Variants in CAPN15 observed in about 807,000 individuals in gnomAD.
The protein encoded by CAPN15 is calpain 15.
Under a neutral mutation model 97.9 loss-of-function variants are expected in CAPN15, and 53 were observed. The observed-to-expected ratio is 0.54, with a 90% CI of 0.43 to 0.68. The LOEUF is 0.68. Ranked by LOEUF, CAPN15 falls within the 30% of genes least tolerant of loss-of-function variation. CAPN15 has a pLI of 0.00. For synonymous variants in CAPN15, 922 were observed against 722.5 expected, an observed-to-expected ratio of 1.28 and a Z score of -4.43; for missense variants, 1,592 against 1,589.8, an observed-to-expected ratio of 1.00 and a Z score of -0.02.
In CAPN15 at chr16:547,033, G is replaced by A; in HGVS notation, c.195G>A (p.Glu65=). The A allele has an allele frequency of 6.2e-7, 1 of 1,609,294 alleles. No homozygotes were observed. Among genetic ancestry groups the A allele is most frequent in the South Asian group, 1.1e-5 (1 of 90,940 alleles). The change falls in exon 4 of 14, where the codon GAG becomes GAA. Residue 65 remains glutamate (E), a synonymous_variant. Transcript: ENST00000219611. ...ACTTCCTGGGCAAGGAGGCCTGCGAGGTGTGCGGCTTCACCCCGGAGCCTG... is the reference window on the plus strand; with the variant it reads ...ACTTCCTGGGCAAGGAGGCCTGCGAAGTGTGCGGCTTCACCCCGGAGCCTG... ...FRNFLGKEAC[E]VCGFTPEPAP...
At chr16:549,869 C>T (rs757091128) in intron 7 of CAPN15, 31 bp downstream of exon 7, 10 of 1,505,742 alleles carry the variant, frequency 6.6e-6, no homozygotes, top group South Asian at 6.0e-5. Context: ...TGGTCAGCCG[C>T]GTTGGGAGGA....
In CAPN15 at chr16:552,424, G is replaced by C; in HGVS notation, c.2631G>C (p.Lys877Asn). 2 of 1,610,032 alleles carry C rather than the reference G, an allele frequency of 1.2e-6. No individual in the cohort carries two copies. The highest frequency in any genetic ancestry group is 1.7e-6 in the Non-Finnish European group (2 of 1,179,638). ...TGGCCCACAGTAAGCGCGCGGTCAAGAAGTTCGTCAGCTGCGACGTCATGC... is the reference window on the plus strand; with the variant it reads ...TGGCCCACAGTAAGCGCGCGGTCAACAAGTTCGTCAGCTGCGACGTCATGC... ...RLLAHSKRAV[K>N]KFVSCDVMLE... Residue 877 changes from lysine to asparagine, a missense_variant, in exon 11 of 14, where the codon AAG becomes AAC. Transcript: ENST00000219611. This position sits in a 1 kb window ranked among gnomAD's most constrained non-coding sequence, Gnocchi z 6.4.
Position 549,384 on chromosome 16 carries a change from G to A in CAPN15, c.1755G>A (p.Val585=). The A allele has an allele frequency of 6.3e-7, 1 of 1,599,222 alleles. No homozygotes were observed. Among genetic ancestry groups the A allele is most frequent in the Non-Finnish European group, 8.5e-7 (1 of 1,178,784 alleles). Residue 585 remains valine, a synonymous_variant, in exon 6 of 14, where the codon GTG becomes GTA. Coordinates refer to ENST00000219611, the MANE Select transcript of CAPN15 (RefSeq NM_005632.3). The part of the protein sequence containing the change: ...RSLCAEGAYQ[V]RLCKDGTWTT... ...TGTGTGCAGAGGGCGCCTACCAGGT[G>A]CGGCTGTGCAAGGACGGCACGTGGA...
intron 2 of CAPN15, among the ~76,000 whole-genome samples, 186 bp downstream of exon 2, chr16:534,184 G>A (rs896587852): frequency 5.3e-5 from 8 of 151,770 alleles, no homozygotes; most frequent in Admixed American, 5.2e-4. Flanking sequence ...CGTTTGGGCC[G>A]TGGTCCTGTC....
rs766622384 is a variant in CAPN15, at chr16:549,712, G to C, written c.1940G>C (p.Gly647Ala). Residue 647 changes from glycine to alanine, a missense_variant, in exon 7 of 14, where the codon GGC becomes GCC. By Grantham distance (60) the Gly-to-Ala change is moderately conservative. Transcript: ENST00000219611. The stretch of plus-strand genomic sequence containing the variant: ...CTCCAGGCGGGCCGCGCCATCGAAG[G>C]CCTGGCCACGCTCACCGGCGCCCCC... ...FALQAGRAIE[G>A]LATLTGAPCE... 1.2e-5 allele frequency: 19 copies of C among 1,571,188 alleles called. No individual in the cohort carries two copies. The highest frequency in any genetic ancestry group is 5.4e-5 in the Admixed American group (3 of 55,428).
At chr16:529,355 C>G (rs1176845601) in intron 1 of CAPN15, among the ~76,000 whole-genome samples, 1 of 152,106 alleles carries the variant, frequency 6.6e-6, no homozygotes, top group African/African-American at 2.4e-5. Context: ...TCAAGCCCTG[C>G]TGGCTCTCTC....
At chr16:546,295 C>T (rs1327649095) in intron 3 of CAPN15, among the ~76,000 whole-genome samples, 1 of 152,206 alleles carries the variant, frequency 6.6e-6, no homozygotes, top group Non-Finnish European at 1.5e-5. Flanking sequence ...GCCATATTTA[C>T]AAGAACAATT....
chr16:552,950 C>T lies in CAPN15; in HGVS notation c.2992C>T (p.Leu998=), dbSNP rs772005667. 2 of 1,612,030 alleles carry T rather than the reference C, an allele frequency of 1.2e-6. No homozygotes were observed. Among genetic ancestry groups the T allele is most frequent in the East Asian group, 2.2e-5 (1 of 44,848 alleles). The change falls in exon 13 of 14, where the codon CTG becomes TTG. Residue 998 remains leucine, a synonymous_variant. Coordinates refer to ENST00000219611, the MANE Select transcript of CAPN15 (RefSeq NM_005632.3). The surrounding 1 kb of genome is among the most constrained non-coding windows in gnomAD (Gnocchi z 6.4). ...GGAGAACCGACACCCCAAGGCCTAC[C>T]TGCACGTGCAGTGTGACTGCACCGA... The part of the protein sequence containing the change: ...VVENRHPKAY[L]HVQCDCTDSF...
At position 552,427 on chromosome 16, in the gene CAPN15, G is replaced by C. The variant is rs778087491; in HGVS notation, c.2634G>C (p.Lys878Asn). 6.8e-6 allele frequency: 11 copies of C among 1,610,100 alleles called. No homozygotes were observed. In the South Asian group the frequency reaches 1.2e-4, roughly 18 times the overall value. Reference sequence around the variant, plus strand: ...CCCACAGTAAGCGCGCGGTCAAGAAGTTCGTCAGCTGCGACGTCATGCTGG... The same window carrying C: ...CCCACAGTAAGCGCGCGGTCAAGAACTTCGTCAGCTGCGACGTCATGCTGG... ...LLAHSKRAVK[K>N]FVSCDVMLEP... The change falls in exon 11 of 14, where the codon AAG (lysine) becomes AAC (asparagine). Residue 878 changes from lysine to asparagine, a missense_variant. Lys to Asn is a moderately conservative substitution (Grantham distance 94). Around this residue, in one of 3 missense-constraint regions of CAPN15, gnomAD observed 644 missense variants for 699.6 expected, o/e 0.92. Coordinates refer to ENST00000219611, the MANE Select transcript of CAPN15 (RefSeq NM_005632.3). The surrounding 1 kb of genome is among the most constrained non-coding windows in gnomAD (Gnocchi z 6.4).
At chr16:537,556 C>G in intron 3 of CAPN15, 2 of 543,724 alleles carry the variant, frequency 3.7e-6, no homozygotes, top group South Asian at 1.6e-4. Context: ...CCAGTGCAAG[C>G]AGCTTCTGTC....
chr16:550,744 GTCC>G (rs2034950924), intron 7 of CAPN15, among the ~76,000 whole-genome samples: 4 of 142,304 alleles, frequency 2.8e-5, no homozygotes, highest in African/African-American at 7.9e-5. Flanking sequence ...GTCGGTGAGG[GTCC>G]CGGTCGGTGA....
At chr16:542,178 C>T (rs1032589245) in intron 3 of CAPN15, among the ~76,000 whole-genome samples, 38 of 152,352 alleles carry the variant, frequency 2.5e-4, no homozygotes, top group Middle Eastern at 3.4e-3. Flanking sequence ...CGGGATGAAC[C>T]GCATTTTATC....
rs1180025017 is a variant in CAPN15, at chr16:549,129, A to G, written c.1586A>G (p.His529Arg). 1.2e-6 allele frequency: 2 copies of G among 1,611,834 alleles called. No individual in the cohort carries two copies. The highest frequency in any genetic ancestry group is 1.7e-6 in the Non-Finnish European group (2 of 1,179,814). Residue 529 changes from histidine to arginine, a missense_variant, in exon 5 of 14, where the codon CAC becomes CGC. His to Arg is a conservative substitution (Grantham distance 29). Around this residue, in one of 3 missense-constraint regions of CAPN15, gnomAD observed 883 missense variants for 776.6 expected, o/e 1.14. Transcript: ENST00000219611. ...QEINCSVFRDHRATWSVFHTL... is the reference protein window; with the variant it reads ...QEINCSVFRDRRATWSVFHTL... ...ATCAACTGCTCCGTCTTCAGGGACCACAGGGCCACGTGGTCTGTGTTCCAC... is the reference window on the plus strand; with the variant it reads ...ATCAACTGCTCCGTCTTCAGGGACCGCAGGGCCACGTGGTCTGTGTTCCAC...
At chr16:541,146 G>A (rs1385540574) in intron 3 of CAPN15, among the ~76,000 whole-genome samples, 8 of 152,246 alleles carry the variant, frequency 5.3e-5, no homozygotes, top group Admixed American at 4.6e-4. Flanking sequence ...CTGTCTGTTG[G>A]CCCCCAGGTG....
intron 1 of CAPN15, among the ~76,000 whole-genome samples, chr16:532,301 C>G (rs1039083435): frequency 6.6e-6 from 1 of 150,956 alleles, no homozygotes; most frequent in African/African-American, 2.4e-5. Flanking sequence ...TGCGTGTAAT[C>G]CTAGCACTTT....
chr16:545,978 C>T (rs1441665684), intron 3 of CAPN15, among the ~76,000 whole-genome samples: 4 of 152,230 alleles, frequency 2.6e-5, no homozygotes, highest in East Asian at 1.9e-4. Flanking sequence ...TGGCTGTCTA[C>T]GGGCAGATTG....
At chr16:550,122 C>G (rs1412807846) in intron 7 of CAPN15, among the ~76,000 whole-genome samples, 2 of 131,832 alleles carry the variant, frequency 1.5e-5, no homozygotes, top group Non-Finnish European at 2.9e-5. Context: ...CGAGTTTGAC[C>G]TGGGCCGTGG....
chr16:552,299 A>G lies in CAPN15; in HGVS notation c.2508-2A>G. 1 of 1,551,234 alleles carries G rather than the reference A, an allele frequency of 6.4e-7. No homozygotes were observed. The highest frequency in any genetic ancestry group is 8.7e-7 in the Non-Finnish European group (1 of 1,152,448). ...GACCCTGGCCCGTGGTGTCTGGCGC[A>G]GGCGCTCGGACGCCGTGGACAGCCA... On this transcript the variant is annotated splice_acceptor_variant, in intron 10 of 13. Transcript: ENST00000219611. LOFTEE classifies it high-confidence loss of function. This position sits in a 1 kb window ranked among gnomAD's most constrained non-coding sequence, Gnocchi z 6.4.
intron 1 of CAPN15, among the ~76,000 whole-genome samples, chr16:532,549 T>A (rs2033345221): frequency 7.0e-6 from 1 of 142,696 alleles, no homozygotes; most frequent in Non-Finnish European, 1.5e-5. Context: ...AGTGATACCC[T>A]GTCTCAAAAA....
Sources: gnomAD v4.1 joint callset for allele counts (sites outside exome capture counted in the v4.1 genomes callset) on GRCh38, gnomAD v4.1.1 for gene constraint, gnomAD v4.1.1 regional missense constraint, Gnocchi (gnomAD v3.1) non-coding constraint, MANE v1.5 for transcripts, NCBI Gene and HGNC (gene_info 2026-07-23, HGNC 2026-07-21) for gene names.